Variants in EIF3K observed in about 807,000 individuals in gnomAD.
The protein encoded by EIF3K is eukaryotic translation initiation factor 3 subunit K.
A neutral mutation model predicts 34.2 loss-of-function variants in EIF3K; 27 were observed. That is an observed-to-expected ratio of 0.79 (90% CI 0.58 to 1.09). EIF3K has a LOEUF of 1.09. EIF3K is among the 50% of genes least tolerant of loss of function. EIF3K has a pLI of 0.00. For synonymous variants in EIF3K, 105 were observed against 105.7 expected (o/e 0.99, Z 0.04); for missense variants, 232 against 275.4 (o/e 0.84, Z 1.11).
At chr19:38,621,710 A>G (rs1975844167) in intron 2 of EIF3K, among the ~76,000 whole-genome samples, 1 of 151,986 alleles carries the variant, frequency 6.6e-6, no homozygotes, top group South Asian at 2.1e-4. Flanking sequence ...TACAGCACAA[A>G]CTCTTCTGCA....
Position 38,620,591 on chromosome 19 carries a change from G to T in EIF3K, c.158+156G>T, listed in dbSNP as rs547248440. On this transcript the variant is annotated intron_variant, in intron 2 of 7. Coordinates refer to ENST00000248342, the MANE Select transcript of EIF3K (RefSeq NM_013234.4). ...CCAAGGAAGTTGGGACAGGAGGAGG[G>T]ATGGTTTTTGAAAAATCAATTGCCG... is the stretch of plus-strand genomic sequence containing the variant. 3.9e-5 allele frequency among the ~76,000 whole-genome samples: 6 copies of T among 152,258 alleles called. No individual in the cohort carries two copies. The East Asian group carries it at 1.2e-3, about 29-fold the overall frequency.
chr19:38,621,061 G>C (rs1409201867), intron 2 of EIF3K, among the ~76,000 whole-genome samples: 1 of 152,006 alleles, frequency 6.6e-6, no homozygotes, highest in Non-Finnish European at 1.5e-5. Flanking sequence ...AATTAATGTA[G>C]CGGTGTGTGG....
At chr19:38,627,916 T>C (rs1975982418) in intron 4 of EIF3K, among the ~76,000 whole-genome samples, 1 of 151,668 alleles carries the variant, frequency 6.6e-6, no homozygotes, top group Non-Finnish European at 1.5e-5. Flanking sequence ...TTTTTTTTTT[T>C]TTGTTTGAGA....
intron 3 of EIF3K, 91 bp downstream of exon 3, chr19:38,624,288 C>G: frequency 6.4e-7 from 1 of 1,567,314 alleles, no homozygotes; most frequent in Admixed American, 1.8e-5. Flanking sequence ...GTGGGTGTAT[C>G]CACAAACAAC....
intron 2 of EIF3K, 111 bp from the exon 3 acceptor site, chr19:38,623,966 C>G: frequency 6.5e-7 from 1 of 1,532,318 alleles, no homozygotes; most frequent in Admixed American, 1.8e-5. Context: ...GGGATTGGAA[C>G]CCAGGCATGT....
chr19:38,630,342 TA>T (rs67716109), intron 4 of EIF3K, among the ~76,000 whole-genome samples: 1,873 of 145,244 alleles, frequency 0.013, 19 homozygotes, highest in Non-Finnish European at 0.017. Context: ...TTTATTTATT[TA>T]TTTATTTTTT....
chr19:38,620,237 G>C (rs749202991), intron 1 of EIF3K, 100 bp from the exon 2 acceptor site: 31 of 918,622 alleles, frequency 3.4e-5, no homozygotes, highest in Non-Finnish European at 5.4e-5. Flanking sequence ...ATTTAGAGGG[G>C]AAGGGCGGGA....
At chr19:38,621,197 T>TAAAA (rs34987023) in intron 2 of EIF3K, among the ~76,000 whole-genome samples, 6 of 120,074 alleles carry the variant, frequency 5.0e-5, no homozygotes, top group African/African-American at 9.3e-5. Flanking sequence ...CCCCTCTTTT[T>TAAAA]AAAAAAAAAA....
chr19:38,629,937 A>G (rs1976025716), intron 4 of EIF3K, among the ~76,000 whole-genome samples: 1 of 152,186 alleles, frequency 6.6e-6, no homozygotes, highest in Non-Finnish European at 1.5e-5. Flanking sequence ...AGACAGAAGC[A>G]AGGGGAGGTG....
intron 3 of EIF3K, among the ~76,000 whole-genome samples, chr19:38,625,518 C>T (rs548857905): frequency 8.2e-5 from 12 of 145,820 alleles, no homozygotes; most frequent in South Asian, 4.3e-4. Flanking sequence ...TTAATATTTT[C>T]TTTTTTTTTG....
chr19:38,632,629 C>A lies in EIF3K; in HGVS notation c.450C>A (p.Tyr150Ter). ...TCTGCCATGTTGTGGGTATCACTTA[C>A]CAGCACATTGACCGCTGGCTGCTGG... ...KFICHVVGITYQHIDRWLLAE... is the reference protein window; with the variant it reads ...KFICHVVGIT The change falls in exon 6 of 8, where the codon TAC (tyrosine) becomes TAA (stop). Residue 150 changes from tyrosine to a stop codon, truncating the protein, a stop_gained. Transcript: ENST00000248342. LOFTEE classifies it high-confidence loss of function. 1.2e-6 allele frequency: 2 copies of A among 1,613,978 alleles called. No homozygotes were observed. The highest frequency in any genetic ancestry group is 1.1e-5 in the South Asian group (1 of 91,056).
At chr19:38,627,469 A>G (rs1328386033) in intron 4 of EIF3K, among the ~76,000 whole-genome samples, 3 of 151,728 alleles carry the variant, frequency 2.0e-5, no homozygotes, top group Non-Finnish European at 2.9e-5. Context: ...GTTCGAGACC[A>G]GCCTGACCAA....
At chr19:38,621,587 G>A (rs1420805193) in intron 2 of EIF3K, among the ~76,000 whole-genome samples, 1 of 152,110 alleles carries the variant, frequency 6.6e-6, no homozygotes, top group Non-Finnish European at 1.5e-5. Flanking sequence ...CAATTCCCCT[G>A]CTCCCCCATG....
At chr19:38,622,320 G>C (rs1165801810) in intron 2 of EIF3K, among the ~76,000 whole-genome samples, 1 of 152,172 alleles carries the variant, frequency 6.6e-6, no homozygotes, top group Admixed American at 6.6e-5. Flanking sequence ...AGAAATAGAA[G>C]GACAGAGTAC....
intron 7 of EIF3K, among the ~76,000 whole-genome samples, chr19:38,636,034 C>A (rs1976183130): frequency 6.6e-6 from 1 of 152,236 alleles, no homozygotes; most frequent in Non-Finnish European, 1.5e-5. Flanking sequence ...GAGCAGGCAG[C>A]CATCTGCGCA....
At chr19:38,624,604 G>A (rs1249986230) in intron 3 of EIF3K, among the ~76,000 whole-genome samples, 1 of 152,098 alleles carries the variant, frequency 6.6e-6, no homozygotes, top group Non-Finnish European at 1.5e-5. Flanking sequence ...CAGGCACAGT[G>A]GCACACACCT....
rs750097473 is a variant in EIF3K at position 38,624,150 on chromosome 19, C to G, written c.232C>G (p.Pro78Ala). The G allele has an allele frequency of 2.2e-5, 36 of 1,614,100 alleles. No individual in the cohort carries two copies. The highest frequency in any genetic ancestry group is 2.7e-5 in the Non-Finnish European group (32 of 1,180,040). The change falls in exon 3 of 8, where the codon CCG (proline) becomes GCG (alanine). Residue 78 changes from proline (P) to alanine (A), a missense_variant. Pro to Ala is a conservative substitution (Grantham distance 27, BLOSUM62 -1). Transcript: ENST00000248342. ...CCTGCTGAAGGCCCTCACCAACTTG[C>G]CGCACACAGACTTCACCCTGTGCAA... ...QILLKALTNL[P>A]HTDFTLCKCM...
Position 38,632,462 on chromosome 19 carries a change from AG to A in EIF3K, c.389del (p.Gly130ValfsTer2), listed in dbSNP as rs1421696535. ...ALDENMDLLE[G>X]ITGFEDSVRK... Reference sequence around the variant, plus strand: ...TGGATGAAAACATGGACCTCTTGGAAGGTATAACTGGCTTTGAAGACTCTGT... The same window carrying A: ...TGGATGAAAACATGGACCTCTTGGAAGTATAACTGGCTTTGAAGACTCTGT... On this transcript the variant is annotated frameshift_variant, in exon 5 of 8. Transcript: ENST00000248342. LOFTEE classifies it high-confidence loss of function. 6.2e-7 allele frequency: 1 copy of A among 1,614,088 alleles called. No homozygotes were observed. The highest frequency in any genetic ancestry group is 1.3e-5 in the African/African-American group (1 of 74,940).
At position 38,632,167 on chromosome 19, in the gene EIF3K, A is replaced by G. The variant is rs1599738543; in HGVS notation, c.355-263A>G. 9 of 430,046 alleles carry G rather than the reference A, an allele frequency of 2.1e-5. No homozygotes were observed. In the East Asian group the frequency reaches 4.0e-4, roughly 19 times the overall value. 26.6% of individuals were successfully genotyped at this position (430,046 alleles called of 1,614,324 possible). A position where few individuals can be genotyped will look rare whatever the true frequency, so the allele number is the denominator to read the frequency against. The stretch of plus-strand genomic sequence containing the variant: ...GTGGTGGCTCACCCCTGTAATCCCA[A>G]CGCTTTGAGAGGCCAGCGTGGGCAG... On this transcript the variant is annotated intron_variant, in intron 4 of 7. Coordinates refer to ENST00000248342, the MANE Select transcript of EIF3K (RefSeq NM_013234.4).
Sources: allele counts gnomAD v4.1 joint callset (sites outside exome capture counted in the v4.1 genomes callset), GRCh38; gene constraint gnomAD v4.1.1; transcripts MANE v1.5; gene names NCBI Gene and HGNC (gene_info 2026-07-23, HGNC 2026-07-21).